Variants in CACNA1C observed in about 807,000 individuals in gnomAD.
CACNA1C encodes the protein calcium voltage-gated channel subunit alpha1 C.
A neutral mutation model predicts 229.0 loss-of-function variants in CACNA1C; 30 were observed. The ratio of observed to expected loss-of-function variants is 0.13; its 90% CI spans 0.10 to 0.18. CACNA1C has a LOEUF of 0.18. Among genes scored for constraint, CACNA1C ranks in the 10% least tolerant of loss-of-function variants. The pLI is 1.00. For missense variants in CACNA1C, 1,658 were observed against 2,845.0 expected, an observed-to-expected ratio of 0.58 and a Z score of 9.49; for synonymous variants, 1,114 against 1,132.5, an observed-to-expected ratio of 0.98 and a Z score of 0.33.
chr12:2,164,307 T>C (rs369682755), intron 3 of CACNA1C, among the ~76,000 whole-genome samples: 2 of 152,218 alleles, frequency 1.3e-5, no homozygotes, highest in South Asian at 4.1e-4. Flanking sequence ...AGGCTGACGG[T>C]TCACTGAATG....
At chr12:2,246,715 A>C (rs914827413) in intron 3 of CACNA1C, among the ~76,000 whole-genome samples, 1 of 152,026 alleles carries the variant, frequency 6.6e-6, no homozygotes, top group Admixed American at 6.6e-5. Flanking sequence ...CTCTGTCCTA[A>C]CCTGTTCTTT....
Position 2,694,596 on chromosome 12 carries a change from A to T in CACNA1C, c.*3397A>T, listed in dbSNP as rs1224535017. 5 of 152,358 alleles carry T rather than the reference A, an allele frequency of 3.3e-5. No individual in the cohort carries two copies. Among genetic ancestry groups the T allele is most frequent in the African/African-American group, 1.2e-4 (5 of 41,582 alleles). The allele number at this position is 152,358 out of a possible 1,614,324, so 9.4% of individuals were successfully genotyped here. A position where few individuals can be genotyped will look rare whatever the true frequency, so the allele number is the denominator to read the frequency against. On this transcript the variant is annotated 3_prime_UTR_variant, in exon 47 of 47. Coordinates refer to ENST00000399655, the MANE Select transcript of CACNA1C (RefSeq NM_000719.7). ...GGAAATCCACTCAAAGGAACAAGGC[A>T]ATGTCTCTCATTCTATTTCCCAGTT... is the stretch of plus-strand genomic sequence containing the variant.
chr12:2,690,742 A>T, intron 46 of CACNA1C, 158 bp from the exon 47 acceptor site: 1 of 681,040 alleles, frequency 1.5e-6, no homozygotes. Flanking sequence ...CTTGTTCCCC[A>T]TGGGTGCCCC....
chr12:2,460,132 C>T (rs1196614894), intron 5 of CACNA1C, among the ~76,000 whole-genome samples: 1 of 152,224 alleles, frequency 6.6e-6, no homozygotes, highest in African/African-American at 2.4e-5. Flanking sequence ...GAGCCCAGGT[C>T]GAAGGAGCCC....
intron 11 of CACNA1C, among the ~76,000 whole-genome samples, chr12:2,565,411 G>A (rs891324742): frequency 7.6e-4 from 114 of 149,958 alleles, no homozygotes; most frequent in African/African-American, 2.7e-3. Flanking sequence ...AGCTTGCAGT[G>A]AGCCGAGATT....
chr12:2,468,367 C>T (rs1327387844), intron 5 of CACNA1C, among the ~76,000 whole-genome samples: 1 of 152,238 alleles, frequency 6.6e-6, no homozygotes, highest in Non-Finnish European at 1.5e-5. Flanking sequence ...TTACCTCCAA[C>T]TACAAGCAAT....
intron 3 of CACNA1C, among the ~76,000 whole-genome samples, chr12:2,350,763 T>C (rs2154526555): frequency 6.6e-6 from 1 of 152,342 alleles, no homozygotes; most frequent in African/African-American, 2.4e-5. Flanking sequence ...ATTGCTGAGC[T>C]CTGCCCCCTT....
chr12:2,420,102 G>GGTGTGTGTGT (rs564990323), intron 3 of CACNA1C, among the ~76,000 whole-genome samples: 1,644 of 125,454 alleles, frequency 0.013, 52 homozygotes, highest in African/African-American at 0.029. Flanking sequence ...TAGGCAAAAT[G>GGTGTGTGTGT]GTGTGTGTGT....
Position 2,319,351 on chromosome 12 carries a change from C to T in CACNA1C, c.478-129625C>T, listed in dbSNP as rs2095853936. Among the ~76,000 whole-genome samples, 1 of 151,972 alleles carries T rather than the reference C, an allele frequency of 6.6e-6. No individual in the cohort carries two copies. Among genetic ancestry groups the T allele is most frequent in the African/African-American group, 2.4e-5 (1 of 41,364 alleles). On this transcript the variant is annotated intron_variant, in intron 3 of 46. Coordinates refer to ENST00000399655, the MANE Select transcript of CACNA1C (RefSeq NM_000719.7). This position sits in a 1 kb window ranked among gnomAD's most constrained non-coding sequence, Gnocchi z 4.0. ...GCATGGTGGGCAACATACATGGGGG[C>T]AGTGTGCTTGGTAGGCAGCGTACCT...
At chr12:2,435,801 T>C (rs1322112716) in intron 3 of CACNA1C, among the ~76,000 whole-genome samples, 5 of 152,128 alleles carry the variant, frequency 3.3e-5, no homozygotes, top group Non-Finnish European at 7.4e-5. Context: ...AAATCTGCCC[T>C]CAGAGTGCTC....
Position 2,287,261 on chromosome 12 carries a change from GATCGGGC to G in CACNA1C, c.478-161713_478-161707del, listed in dbSNP as rs1390112999. Among the ~76,000 whole-genome samples, 1 of 152,194 alleles carries G rather than the reference GATCGGGC, an allele frequency of 6.6e-6. No homozygotes were observed. The highest frequency in any genetic ancestry group is 6.5e-5 in the Admixed American group (1 of 15,286). ...TGGGAATGACCTTCCCAAGGGGAGG[GATCGGGC>G]AAGTATTGAGTCATTCCTGCTCGTC... On this transcript the variant is annotated intron_variant, in intron 3 of 46. Coordinates refer to ENST00000399655, the MANE Select transcript of CACNA1C (RefSeq NM_000719.7). This position sits in a 1 kb window ranked among gnomAD's most constrained non-coding sequence, Gnocchi z 4.6.
chr12:2,432,346 C>T (rs1261165051), intron 3 of CACNA1C, among the ~76,000 whole-genome samples: 5 of 152,286 alleles, frequency 3.3e-5, no homozygotes, highest in Admixed American at 2.0e-4. Context: ...TGACGTTCTT[C>T]GCATTGCTGG....
At chr12:2,460,620 G>A (rs1432784377) in intron 5 of CACNA1C, among the ~76,000 whole-genome samples, 1 of 152,230 alleles carries the variant, frequency 6.6e-6, no homozygotes, top group East Asian at 1.9e-4. Flanking sequence ...GTAGTGGTCA[G>A]GAAGCAGTAA....
Position 2,512,774 on chromosome 12 carries a change from G to A in CACNA1C, c.1218-38G>A, listed in dbSNP as rs1433699744. ...CCTTCTCGGTGCTCCCTCCTTCTCT[G>A]TGCTCTCCTGCCCTGCCCCTCCTCT... is the stretch of plus-strand genomic sequence containing the variant. On this transcript the variant is annotated intron_variant, in intron 8 of 46. Coordinates refer to ENST00000399655, the MANE Select transcript of CACNA1C (RefSeq NM_000719.7). This position sits in a 1 kb window ranked among gnomAD's most constrained non-coding sequence, Gnocchi z 4.3. The A allele has an allele frequency of 6.5e-7, 1 of 1,529,320 alleles. No individual in the cohort carries two copies. The highest frequency in any genetic ancestry group is 1.3e-5 in the South Asian group (1 of 79,728). 94.7% of individuals were successfully genotyped at this position (1,529,320 alleles called of 1,614,324 possible).
At chr12:2,540,703 A>G (rs2099867803) in intron 9 of CACNA1C, among the ~76,000 whole-genome samples, 1 of 152,176 alleles carries the variant, frequency 6.6e-6, no homozygotes, top group African/African-American at 2.4e-5. Context: ...GGGACAGGGC[A>G]TGACGTAGGG....
intron 3 of CACNA1C, among the ~76,000 whole-genome samples, chr12:2,268,771 A>G (rs868612848): frequency 1.6e-4 from 24 of 152,208 alleles, no homozygotes; most frequent in African/African-American, 5.3e-4. Flanking sequence ...GGCTAGAAAC[A>G]CCATCTGCCA....
intron 13 of CACNA1C, among the ~76,000 whole-genome samples, 177 bp from the exon 14 acceptor site, chr12:2,581,413 T>A (rs2060453024): frequency 6.6e-6 from 1 of 152,106 alleles, no homozygotes; most frequent in South Asian, 2.1e-4. Flanking sequence ...GACCTTGAAT[T>A]AACTCCCTCC....
At chr12:2,303,332 C>T (rs2094728364) in intron 3 of CACNA1C, among the ~76,000 whole-genome samples, 3 of 152,168 alleles carry the variant, frequency 2.0e-5, no homozygotes, top group Admixed American at 6.5e-5. Context: ...GCAGGGTTGC[C>T]TTCTCCCTGG....
rs554485779 is a variant in CACNA1C at position 2,054,844 on chromosome 12, C to A, written c.49+1233C>A. Among the ~76,000 whole-genome samples, 38 of 152,370 alleles carry A rather than the reference C, an allele frequency of 2.5e-4. No individual in the cohort carries two copies. Among genetic ancestry groups the A allele is most frequent in the African/African-American group, 9.1e-4 (38 of 41,578 alleles). On this transcript the variant is annotated intron_variant, in intron 1 of 46. Coordinates refer to ENST00000399655, the MANE Select transcript of CACNA1C (RefSeq NM_000719.7). The surrounding 1 kb of genome is among the most constrained non-coding windows in gnomAD (Gnocchi z 5.5). ...GTCTCTGTTCCTTCCCTGGGTTCTTCCCAGTGATCCTCTGAAGACCAGCCT... is the reference window on the plus strand; with the variant it reads ...GTCTCTGTTCCTTCCCTGGGTTCTTACCAGTGATCCTCTGAAGACCAGCCT...
Sources: allele counts gnomAD v4.1 joint callset (sites outside exome capture counted in the v4.1 genomes callset), GRCh38; gene constraint gnomAD v4.1.1; non-coding constraint Gnocchi (gnomAD v3.1); transcripts MANE v1.5; gene names NCBI Gene and HGNC (gene_info 2026-07-23, HGNC 2026-07-21).